Variants in EPB41L4A observed in about 807,000 individuals in gnomAD.
EPB41L4A encodes the protein band 4.1-like protein 4A.
Under a neutral mutation model 108.6 loss-of-function variants are expected in EPB41L4A, and 100 were observed. That is an observed-to-expected ratio of 0.92 (90% confidence interval 0.78 to 1.09). The LOEUF is 1.09. Ranked by LOEUF, EPB41L4A falls within the 50% of genes least tolerant of loss-of-function variation. The pLI is 0.00. For missense variants in EPB41L4A, 1,030 were observed against 842.7 expected (o/e 1.22, Z -2.75); for synonymous variants, 319 against 289.0 (o/e 1.10, Z -1.05).
intron 9 of EPB41L4A, among the ~76,000 whole-genome samples, chr5:112,251,558 G>C (rs905199876): frequency 3.9e-5 from 6 of 152,120 alleles, no homozygotes; most frequent in Non-Finnish European, 7.4e-5. Context: ...CTACTTTTAG[G>C]AAAGAAAGAA....
intron 1 of EPB41L4A, among the ~76,000 whole-genome samples, chr5:112,340,555 A>C (rs1220644231): frequency 2.0e-5 from 3 of 152,188 alleles, no homozygotes; most frequent in African/African-American, 7.2e-5. Context: ...TCAATAAGGA[A>C]ATATTTTCTA....
chr5:112,274,471 C>T (rs1463611444), intron 4 of EPB41L4A, among the ~76,000 whole-genome samples: 1 of 152,092 alleles, frequency 6.6e-6, no homozygotes, highest in Non-Finnish European at 1.5e-5. Flanking sequence ...CTTCTGTGTG[C>T]AGTCCAGAAT....
rs113607048 is a variant in EPB41L4A at position 112,231,510 on chromosome 5, G to C, written c.1087+3124C>G. Among the ~76,000 whole-genome samples, 2,222 of 152,176 alleles carry C rather than the reference G, an allele frequency of 0.015. 221 individuals carry two copies. In the East Asian group the frequency reaches 0.27, roughly 18 times the overall value. On this transcript the variant is annotated intron_variant, in intron 12 of 22. Coordinates refer to ENST00000261486, the MANE Select transcript of EPB41L4A (RefSeq NM_022140.5). ...ATTTTAAAAAGATCCACCTGGCCGG[G>C]CGCGGTGGCTCACGCCTGTAATCCC...
chr5:112,339,542 A>ATATATATTTT (rs371198329), intron 1 of EPB41L4A, among the ~76,000 whole-genome samples: 2 of 110,676 alleles, frequency 1.8e-5, no homozygotes, highest in African/African-American at 5.8e-5. Flanking sequence ...ATATATATAT[A>ATATATATTTT]TTTTTTTTTT....
chr5:112,206,898 C>T (rs1407491354), intron 13 of EPB41L4A: 1 of 152,162 alleles, frequency 6.6e-6, no homozygotes, highest in Non-Finnish European at 1.5e-5. Flanking sequence ...AATGCTATTC[C>T]TATCAAACTA....
intron 16 of EPB41L4A, 149 bp downstream of exon 16, chr5:112,195,511 GA>G (rs1196947892): frequency 2.8e-5 from 19 of 681,822 alleles, no homozygotes; most frequent in Non-Finnish European, 4.4e-5. Flanking sequence ...CAACAGAATG[GA>G]AGACTGGGAA....
intron 13 of EPB41L4A, among the ~76,000 whole-genome samples, chr5:112,208,112 G>A (rs1762556574): frequency 1.3e-5 from 2 of 152,014 alleles, no homozygotes. Context: ...TGGGAGTGGT[G>A]GCACACGCCT....
chr5:112,169,257 A>G (rs908048732), intron 20 of EPB41L4A, 152 bp from the exon 21 acceptor site: 126 of 630,980 alleles, frequency 2.0e-4, no homozygotes, highest in Middle Eastern at 3.1e-4. Flanking sequence ...AGTGACTTAA[A>G]TTTCACAAGA....
At chr5:112,335,183 G>A (rs1364562529) in intron 1 of EPB41L4A, among the ~76,000 whole-genome samples, 1 of 152,110 alleles carries the variant, frequency 6.6e-6, no homozygotes, top group Non-Finnish European at 1.5e-5. Flanking sequence ...GAGGGCAGGG[G>A]AGAGATTTCC....
intron 22 of EPB41L4A, among the ~76,000 whole-genome samples, chr5:112,167,807 C>G (rs1760342173): frequency 6.6e-6 from 1 of 152,144 alleles, no homozygotes; most frequent in South Asian, 2.1e-4. Context: ...GGGAACCTAA[C>G]CTAAATTAGC....
chr5:112,381,099 C>T (rs1309201740), intron 1 of EPB41L4A, among the ~76,000 whole-genome samples: 2 of 151,976 alleles, frequency 1.3e-5, no homozygotes, highest in Non-Finnish European at 2.9e-5. Flanking sequence ...GATATTCTGC[C>T]GTAAAAATGC....
intron 17 of EPB41L4A, among the ~76,000 whole-genome samples, chr5:112,193,381 A>C (rs1761802424): frequency 6.6e-6 from 1 of 151,990 alleles, no homozygotes; most frequent in African/African-American, 2.4e-5. Context: ...GGCTCACTGC[A>C]ACCTTCACCT....
intron 16 of EPB41L4A, 46 bp downstream of exon 16, chr5:112,195,615 C>T (rs1467554069): frequency 1.3e-6 from 2 of 1,504,986 alleles, no homozygotes; most frequent in Admixed American, 1.7e-5. Context: ...TCTAAATCTG[C>T]TAACCCTTCT....
chr5:112,259,221 AAAC>A lies in EPB41L4A; in HGVS notation c.795+5_795+7del. 6.2e-7 allele frequency: 1 copy of A among 1,609,558 alleles called. No homozygotes were observed. The highest frequency in any genetic ancestry group is 8.5e-7 in the Non-Finnish European group (1 of 1,175,900). ...CTTCTAATTTAAGCTAAGGGCTTGG[AAAC>A]TTACATCTTTTCCCAGTACTCTGAG... On this transcript the variant is annotated splice_donor_5th_base_variant and intron_variant, in intron 9 of 22. Coordinates refer to ENST00000261486, the MANE Select transcript of EPB41L4A (RefSeq NM_022140.5).
chr5:112,219,520 C>T lies in EPB41L4A; in HGVS notation c.1088-9538G>A, dbSNP rs892906452. 3.1e-4 allele frequency among the ~76,000 whole-genome samples: 47 copies of T among 152,100 alleles called. 1 individual carries two copies. The highest frequency in any genetic ancestry group is 9.4e-4 in the African/African-American group (39 of 41,412). On this transcript the variant is annotated intron_variant, in intron 12 of 22. Coordinates refer to ENST00000261486, the MANE Select transcript of EPB41L4A (RefSeq NM_022140.5). The stretch of plus-strand genomic sequence containing the variant: ...AAACTAATAAAAAAGTTTTTATTAT[C>T]ACCTTATCATACTTCTCTATGACAA...
intron 13 of EPB41L4A, among the ~76,000 whole-genome samples, chr5:112,207,961 CAT>C (rs1762549753): frequency 6.6e-6 from 1 of 152,076 alleles, no homozygotes; most frequent in African/African-American, 2.4e-5. Flanking sequence ...CAAAAAAAGA[CAT>C]ATGGCTGGGC....
intron 2 of EPB41L4A, among the ~76,000 whole-genome samples, chr5:112,293,529 C>A (rs531372306): frequency 1.3e-5 from 2 of 152,264 alleles, no homozygotes; most frequent in African/African-American, 4.8e-5. Context: ...ATGCCTACTG[C>A]AATCAACCAT....
intron 12 of EPB41L4A, among the ~76,000 whole-genome samples, chr5:112,212,680 T>C (rs1172299080): frequency 6.6e-6 from 1 of 152,134 alleles, no homozygotes; most frequent in East Asian, 1.9e-4. Context: ...ATATTTAATA[T>C]AAATGAAAAG....
At chr5:112,156,932 T>C (rs1332814525) in intron 12 of EPB41L4A, among the ~76,000 whole-genome samples, 1 of 152,052 alleles carries the variant, frequency 6.6e-6, no homozygotes, top group African/African-American at 2.4e-5. Flanking sequence ...CTAAAAACTA[T>C]GTGCAAGAGA....
Sources: allele counts gnomAD v4.1 joint callset (sites outside exome capture counted in the v4.1 genomes callset), GRCh38; gene constraint gnomAD v4.1.1; transcripts MANE v1.5; gene names NCBI Gene and HGNC (gene_info 2026-07-23, HGNC 2026-07-21).